Variants in CGB7 observed in about 807,000 individuals in gnomAD.
The protein encoded by CGB7 is chorionic gonadotropin subunit beta 7, also known as choriogonadotropin subunit beta 7.
In CGB7, 6 loss-of-function variants were observed where a neutral mutation model predicts 7.3. That is an observed-to-expected ratio of 0.82 (90% confidence interval 0.45 to 1.62). The LOEUF (loss-of-function observed/expected upper bound fraction) is 1.62, where lower values mean the gene tolerates loss of function less well. Ranked by LOEUF, CGB7 falls within the 40% of genes most tolerant of loss-of-function variation. The pLI, the probability that CGB7 is intolerant of heterozygous loss-of-function variation, is 0.01. For synonymous variants in CGB7, 47 were observed against 100.8 expected (o/e 0.47, Z 3.20); for missense variants, 114 against 236.2 (o/e 0.48, Z 3.39).
At position 49,056,459 on chromosome 19, in the gene CGB7, C is replaced by G; in HGVS notation, c.-1084G>C. ...GGTTTCCTGAGCCGGAGACATGGCC[C>G]GCCGTGCGGCGCTCGAGGCGGCCTG... On this transcript the variant is annotated 5_prime_UTR_variant, in exon 3 of 5. Transcript: ENST00000684222. 2 of 1,299,636 alleles carry G rather than the reference C, an allele frequency of 1.5e-6. No homozygotes were observed. The highest frequency in any genetic ancestry group is 1.0e-6 in the Non-Finnish European group (1 of 995,428). The allele number at this position is 1,299,636 out of a possible 1,614,324, so 80.5% of individuals were successfully genotyped here.
At position 49,056,478 on chromosome 19, in the gene CGB7, C is replaced by G. The variant is rs1568405658; in HGVS notation, c.-1103G>C. On this transcript the variant is annotated 5_prime_UTR_variant, in exon 3 of 5. Transcript: ENST00000684222. Reference sequence around the variant, plus strand: ...ATGGCCCGCCGTGCGGCGCTCGAGGCGGCCTGGAAGAGCAGAGACAGGGCT... The same window carrying G: ...ATGGCCCGCCGTGCGGCGCTCGAGGGGGCCTGGAAGAGCAGAGACAGGGCT... The G allele has an allele frequency of 1.5e-6, 2 of 1,300,880 alleles. No individual in the cohort carries two copies. The highest frequency in any genetic ancestry group is 2.0e-6 in the Non-Finnish European group (2 of 996,356). The allele number at this position is 1,300,880 out of a possible 1,614,324, so 80.6% of individuals were successfully genotyped here.
chr19:49,056,912 C>T (rs1301197337), intron 2 of CGB7, among the ~76,000 whole-genome samples: 1 of 152,212 alleles, frequency 6.6e-6, no homozygotes. Flanking sequence ...TGCAGGCTTC[C>T]TGTCCCTACC....
chr19:49,055,587 G>A lies in CGB7; in HGVS notation c.-212C>T. The A allele has an allele frequency of 6.8e-7, 1 of 1,477,146 alleles. No individual in the cohort carries two copies. The highest frequency in any genetic ancestry group is 9.0e-7 in the Non-Finnish European group (1 of 1,115,818). The allele number at this position is 1,477,146 out of a possible 1,614,324, so 91.5% of individuals were successfully genotyped here. On this transcript the variant is annotated 5_prime_UTR_variant, in exon 3 of 5. Transcript: ENST00000684222. ...GGTCTAGCGCCAAGGATGAGGCGGAGACCACGGTGAAGTGACCTCTGAGAC... is the reference window on the plus strand; with the variant it reads ...GGTCTAGCGCCAAGGATGAGGCGGAAACCACGGTGAAGTGACCTCTGAGAC...
At chr19:49,057,298 C>T (rs2040078212) in intron 1 of CGB7, 50 bp from the exon 2 acceptor site, 29 of 1,499,244 alleles carry the variant, frequency 1.9e-5, no homozygotes, top group Non-Finnish European at 2.6e-5. Context: ...ATTTCATACC[C>T]CATCCCAAGT....
chr19:49,056,241 T>A lies in CGB7; in HGVS notation c.-866A>T. 2 of 1,288,834 alleles carry A rather than the reference T, an allele frequency of 1.6e-6. No homozygotes were observed. The highest frequency in any genetic ancestry group is 1.2e-5 in the South Asian group (1 of 81,068). The allele number at this position is 1,288,834 out of a possible 1,614,324, so 79.8% of individuals were successfully genotyped here. A position where few individuals can be genotyped will look rare whatever the true frequency, so the allele number is the denominator to read the frequency against. On this transcript the variant is annotated 5_prime_UTR_variant, in exon 3 of 5. Coordinates refer to ENST00000684222, the MANE Select transcript of CGB7 (RefSeq NM_001385261.1). Reference sequence around the variant, plus strand: ...TGCTCCGCCCCCACGCCAGGGGGCGTGTCTGGGGTGGGGCTGGCCCGGCAG... The same window carrying A: ...TGCTCCGCCCCCACGCCAGGGGGCGAGTCTGGGGTGGGGCTGGCCCGGCAG...
Position 49,057,261 on chromosome 19 carries a change from G to A in CGB7, c.-1348-13C>T. 1 of 1,530,578 alleles carries A rather than the reference G, an allele frequency of 6.5e-7. No homozygotes were observed. Among genetic ancestry groups the A allele is most frequent in the East Asian group, 2.5e-5 (1 of 40,760 alleles). The allele number at this position is 1,530,578 out of a possible 1,614,324, so 94.8% of individuals were successfully genotyped here. A position where few individuals can be genotyped will look rare whatever the true frequency, so the allele number is the denominator to read the frequency against. On this transcript the variant is annotated splice_polypyrimidine_tract_variant and intron_variant, in intron 1 of 4. Transcript: ENST00000684222. ...AGGCGATTAGAGCCTGAGCAAGATTGGGGGAGGAGGCATACCCAAGACATA... is the reference window on the plus strand; with the variant it reads ...AGGCGATTAGAGCCTGAGCAAGATTAGGGGAGGAGGCATACCCAAGACATA...
intron 2 of CGB7, 108 bp downstream of exon 2, chr19:49,057,013 G>C (rs1190365000): frequency 4.1e-6 from 5 of 1,216,016 alleles, no homozygotes; most frequent in Non-Finnish European, 5.8e-6. Context: ...TATAGGAGTC[G>C]AGACTGAGAC....
rs376978820 is a variant in CGB7, at chr19:49,055,821, G to C, written c.-446C>G. 4.5e-4 allele frequency: 488 copies of C among 1,091,196 alleles called. 3 individuals are homozygous for C. In the South Asian group the frequency reaches 0.012, roughly 26 times the overall value. 67.6% of individuals were successfully genotyped at this position (1,091,196 alleles called of 1,614,324 possible). On this transcript the variant is annotated 5_prime_UTR_variant, in exon 3 of 5. Coordinates refer to ENST00000684222, the MANE Select transcript of CGB7 (RefSeq NM_001385261.1). ...CAGGAGGGGCGCGGCTTCGGACTTA[G>C]CTTCTGCCCAGTGAGAGAGGGTCTC...
At chr19:49,056,917 C>A (rs2040072792) in intron 2 of CGB7, among the ~76,000 whole-genome samples, 1 of 152,182 alleles carries the variant, frequency 6.6e-6, no homozygotes, top group African/African-American at 2.4e-5. Flanking sequence ...GCTTCCTGTC[C>A]CTACCGCGGT....
intron 2 of CGB7, 95 bp downstream of exon 2, chr19:49,057,026 C>T: frequency 7.5e-7 from 1 of 1,329,772 alleles, no homozygotes; most frequent in East Asian, 2.5e-5. Context: ...ACTGAGACCA[C>T]CGGTCAGGGA....
rs1188019112 is a variant in CGB7 at position 49,057,110 on chromosome 19, G to C, written c.-1221+11C>G. On this transcript the variant is annotated intron_variant, in intron 2 of 4. Coordinates refer to ENST00000684222, the MANE Select transcript of CGB7 (RefSeq NM_001385261.1). ...GTGCAGGAGGCGGTGCCGAGCGAGA[G>C]CCCGGCTTACTTGGGATAGAACCGA... 1.0e-5 allele frequency: 16 copies of C among 1,533,182 alleles called. No homozygotes were observed. In the African/African-American group the frequency reaches 1.8e-4, roughly 17 times the overall value. 95.0% of individuals were successfully genotyped at this position (1,533,182 alleles called of 1,614,324 possible).
chr19:49,056,185 A>G lies in CGB7; in HGVS notation c.-810T>C, dbSNP rs1365369696. The G allele has an allele frequency of 7.9e-7, 1 of 1,268,866 alleles. No homozygotes were observed. The highest frequency in any genetic ancestry group is 5.7e-5 in the East Asian group (1 of 17,592). The allele number at this position is 1,268,866 out of a possible 1,614,324, so 78.6% of individuals were successfully genotyped here. On this transcript the variant is annotated 5_prime_UTR_variant, in exon 3 of 5. Transcript: ENST00000684222. The stretch of plus-strand genomic sequence containing the variant: ...ATGAGTGCGAGCCCACCTAGGTCCG[A>G]CACCGCGTAGTGAGCGGCTGCCCAG...
intron 2 of CGB7, 47 bp from the exon 3 acceptor site, chr19:49,056,642 G>A: frequency 8.2e-7 from 1 of 1,213,540 alleles, no homozygotes; most frequent in Non-Finnish European, 1.1e-6. Context: ...GATCCTTGGG[G>A]ACGAGTTTCA....
Position 49,057,232 on chromosome 19 carries a change from G to A in CGB7, c.-1332C>T, listed in dbSNP as rs2040077381. 6.5e-7 allele frequency: 1 copy of A among 1,533,764 alleles called. No individual in the cohort carries two copies. The highest frequency in any genetic ancestry group is 1.2e-5 in the South Asian group (1 of 84,000). On this transcript the variant is annotated 5_prime_UTR_variant, in exon 2 of 5. In the 5' UTR this introduces an upstream ATG that the reference lacks. Coordinates refer to ENST00000684222, the MANE Select transcript of CGB7 (RefSeq NM_001385261.1). ...TGGGCCAGACAGCGCGGGGTTCTTC[G>A]TGCAGGCGATTAGAGCCTGAGCAAG...
In CGB7 at chr19:49,054,943, T is replaced by C. The variant is rs2040036750; in HGVS notation, c.81A>G (p.Pro27=). The C allele has an allele frequency of 6.7e-7, 1 of 1,503,344 alleles. No individual in the cohort carries two copies. Among genetic ancestry groups the C allele is most frequent in the South Asian group, 1.2e-5 (1 of 84,788 alleles). The allele number at this position is 1,503,344 out of a possible 1,614,324, so 93.1% of individuals were successfully genotyped here. ...GTWASREMLR[P]RCRPINATLA... is the part of the protein sequence containing the mutation. ...GGGTGGCATTGATGGGGCGGCACCG[T>C]GGCCGAAGCATCTCCCTGGATGCCC... is the stretch of plus-strand genomic sequence containing the variant. The change falls in exon 4 of 5, where the codon CCA becomes CCG. Residue 27 remains proline, a synonymous_variant. Coordinates refer to ENST00000684222, the MANE Select transcript of CGB7 (RefSeq NM_001385261.1).
rs1189887649 is a variant in CGB7 at position 49,057,515 on chromosome 19, G to A, written c.-1402C>T. 1 of 1,216,266 alleles carries A rather than the reference G, an allele frequency of 8.2e-7. No individual in the cohort carries two copies. The allele number at this position is 1,216,266 out of a possible 1,614,324, so 75.3% of individuals were successfully genotyped here. On this transcript the variant is annotated 5_prime_UTR_variant, in exon 1 of 5. Transcript: ENST00000684222. Reference sequence around the variant, plus strand: ...CAAGGAACTCAAATGCAGGCCCCCAGCCACCACAAAATCCCCCTGGTTCTG... The same window carrying A: ...CAAGGAACTCAAATGCAGGCCCCCAACCACCACAAAATCCCCCTGGTTCTG...
In CGB7 at chr19:49,055,796, C is replaced by T. The variant is rs898761905; in HGVS notation, c.-421G>A. 67 of 1,107,560 alleles carry T rather than the reference C, an allele frequency of 6.0e-5. No homozygotes were observed. Among genetic ancestry groups the T allele is most frequent in the Non-Finnish European group, 7.0e-5 (63 of 901,406 alleles). The allele number at this position is 1,107,560 out of a possible 1,614,324, so 68.6% of individuals were successfully genotyped here. On this transcript the variant is annotated 5_prime_UTR_variant, in exon 3 of 5. Transcript: ENST00000684222. ...ATTCCTGCACCACAGTCCAACCTAA[C>T]AGGAGGGGCGCGGCTTCGGACTTAG... is the stretch of plus-strand genomic sequence containing the variant.
intron 2 of CGB7, 120 bp downstream of exon 2, chr19:49,057,001 G>T: frequency 1.9e-6 from 2 of 1,071,484 alleles, no homozygotes; most frequent in South Asian, 1.4e-5. Flanking sequence ...GGTTGTTGCT[G>T]CTATAGGAGT....
At position 49,056,397 on chromosome 19, in the gene CGB7, G is replaced by A. The variant is rs1265616060; in HGVS notation, c.-1022C>T. On this transcript the variant is annotated 5_prime_UTR_variant, in exon 3 of 5. Coordinates refer to ENST00000684222, the MANE Select transcript of CGB7 (RefSeq NM_001385261.1). ...CAAGTCGCCTCCAGCGGGCGGAAGC[G>A]GTCGAGCCGGCGGAGCGGGTGCGGC... 3 of 1,296,024 alleles carry A rather than the reference G, an allele frequency of 2.3e-6. No individual in the cohort carries two copies. The highest frequency in any genetic ancestry group is 2.3e-4 in the Middle Eastern group (1 of 4,414). 80.3% of individuals were successfully genotyped at this position (1,296,024 alleles called of 1,614,324 possible). A position where few individuals can be genotyped will look rare whatever the true frequency, so the allele number is the denominator to read the frequency against.
Sources: allele counts gnomAD v4.1 joint callset (sites outside exome capture counted in the v4.1 genomes callset), GRCh38; gene constraint gnomAD v4.1.1; transcripts MANE v1.5; gene names NCBI Gene and HGNC (gene_info 2026-07-23, HGNC 2026-07-21).